GPR153: variants seen among roughly 807,000 people sequenced by gnomAD.
GPR153 encodes G protein-coupled receptor 153.
GPR153 carries 27 observed loss-of-function variants against 34.1 expected under a neutral mutation model. The observed-to-expected ratio is 0.79, with a 90% CI of 0.58 to 1.09. The LOEUF (loss-of-function observed/expected upper bound fraction) is 1.09. Among genes scored for constraint, GPR153 ranks in the 50% least tolerant of loss-of-function variants. GPR153 has a pLI of 0.00. For synonymous variants in GPR153, 408 were observed against 405.4 expected (o/e 1.01, Z -0.08); for missense variants, 848 against 860.2 (o/e 0.99, Z 0.18).
In GPR153 at chr1:6,249,301, T is replaced by A; in HGVS notation, c.*37A>T. 1 of 1,239,578 alleles carries A rather than the reference T, an allele frequency of 8.1e-7. No homozygotes were observed. The highest frequency in any genetic ancestry group is 1.0e-6 in the Non-Finnish European group (1 of 989,674). The allele number at this position is 1,239,578 out of a possible 1,614,324, so 76.8% of individuals were successfully genotyped here. ...GGTGCTGCGGCCCCGGAGAGCGGCC[T>A]GGCCTGCCTGGCGTCCGTGGGGAGG... On this transcript the variant is annotated 3_prime_UTR_variant, in exon 6 of 6. Coordinates refer to ENST00000377893, the MANE Select transcript of GPR153 (RefSeq NM_207370.4). This position sits in a 1 kb window ranked among gnomAD's most constrained non-coding sequence, Gnocchi z 4.3.
Position 6,250,437 on chromosome 1 carries a change from C to A in GPR153, c.1164+3G>T, listed in dbSNP as rs1296665476. The A allele has an allele frequency of 1.3e-6, 2 of 1,587,028 alleles. No individual in the cohort carries two copies. Among genetic ancestry groups the A allele is most frequent in the Non-Finnish European group, 1.7e-6 (2 of 1,166,850 alleles). ...GCGGCCTCTCCCCCAGCCCTGCGCT[C>A]ACCTGCAGGTATTGCATCTTGTCCT... On this transcript the variant is annotated splice_donor_region_variant and intron_variant, in intron 5 of 5. Coordinates refer to ENST00000377893, the MANE Select transcript of GPR153 (RefSeq NM_207370.4).
At chr1:6,256,483 C>A (rs1638571544) in intron 1 of GPR153, among the ~76,000 whole-genome samples, 1 of 151,770 alleles carries the variant, frequency 6.6e-6, no homozygotes, top group African/African-American at 2.4e-5. Flanking sequence ...CATTCTTGTG[C>A]CTCAGCCCCG....
rs769918248 is a variant in GPR153 at position 6,253,943 on chromosome 1, G to A, written c.561C>T (p.Gly187=). 1.7e-5 allele frequency: 28 copies of A among 1,611,780 alleles called. No individual in the cohort carries two copies. The highest frequency in any genetic ancestry group is 4.5e-5 in the East Asian group (2 of 44,852). The part of the protein sequence containing the change: ...LLLVGGSVAM[G]VICTAIALFQ... The stretch of plus-strand genomic sequence containing the variant: ...AGAGGGCGATGGCTGTGCAGATCAC[G>A]CCCATGGCCACGCTGCCGCCCACCA... Residue 187 remains glycine (G), a synonymous_variant, in exon 3 of 6, where the codon GGC becomes GGT. Transcript: ENST00000377893.
rs1056704525 is a variant in GPR153, at chr1:6,260,581, C to T, written c.-110+244G>A. Among the ~76,000 whole-genome samples the T allele has an allele frequency of 4.9e-4, 75 of 151,798 alleles. 1 individual carries two copies. The highest frequency in any genetic ancestry group is 1.8e-3 in the African/African-American group (74 of 41,430). On this transcript the variant is annotated intron_variant, in intron 1 of 5. Coordinates refer to ENST00000377893, the MANE Select transcript of GPR153 (RefSeq NM_207370.4). ...CCCAGACCGCGCCCCGCCCCCGTCC[C>T]CTGAGAAGCCCAGGGGGCGGCGCTG...
In GPR153 at chr1:6,260,328, G is replaced by GC. The variant is rs1324108435; in HGVS notation, c.-110+496dup. 2.9e-4 allele frequency among the ~76,000 whole-genome samples: 39 copies of GC among 133,882 alleles called. No individual in the cohort carries two copies. The Middle Eastern group carries it at 0.012, about 42-fold the overall frequency. The allele number at this position is 133,882 out of a possible 152,430, so 87.8% of individuals were successfully genotyped here. Reference sequence around the variant, plus strand: ...CGCGAGGCCTGGACATCTCCGGCACGCCCCCCCCAGCCCCCGCCCCTACAG... The same window carrying GC: ...CGCGAGGCCTGGACATCTCCGGCACGCCCCCCCCCAGCCCCCGCCCCTACAG... On this transcript the variant is annotated intron_variant, in intron 1 of 5. Transcript: ENST00000377893.
rs61741782 is a variant in GPR153 at position 6,254,688 on chromosome 1, C to T, written c.218G>A (p.Arg73His). 5,014 of 1,613,790 alleles carry T rather than the reference C, an allele frequency of 3.1e-3. 89 individuals are homozygous for T. In the African/African-American group the frequency reaches 0.048, roughly 15 times the overall value. ...ACCCTCATTCCACTCGAAGTCGGGG[C>T]GCTGCCGCCGCAGCTGCACCACGGA... ...TYSVVQLRRQ[R>H]PDFEWNEGLC... The change falls in exon 2 of 6, where the codon CGC (arginine) becomes CAC (histidine). Residue 73 changes from arginine (R) to histidine (H), a missense_variant. By Grantham distance (29) the Arg-to-His change is conservative. Transcript: ENST00000377893.
rs758143329 is a variant in GPR153 at position 6,251,300 on chromosome 1, C to T, written c.979+38G>A. The T allele has an allele frequency of 3.6e-5, 55 of 1,521,378 alleles. No individual in the cohort carries two copies. The highest frequency in any genetic ancestry group is 1.1e-4 in the East Asian group (5 of 43,840). The allele number at this position is 1,521,378 out of a possible 1,614,324, so 94.2% of individuals were successfully genotyped here. A position where few individuals can be genotyped will look rare whatever the true frequency, so the allele number is the denominator to read the frequency against. On this transcript the variant is annotated intron_variant, in intron 4 of 5. Transcript: ENST00000377893. The surrounding 1 kb of genome is among the most constrained non-coding windows in gnomAD (Gnocchi z 4.9). The stretch of plus-strand genomic sequence containing the variant: ...GCCAACCCCAATGACCTAACCTAGA[C>T]GCCACTCTCCCTGGGGCCACTCTCA...
intron 1 of GPR153, among the ~76,000 whole-genome samples, chr1:6,260,071 C>T (rs1638637189): frequency 1.3e-5 from 2 of 152,194 alleles, no homozygotes; most frequent in African/African-American, 4.8e-5. Context: ...GCCATGAGGC[C>T]TCCCTCCGCA....
chr1:6,258,173 C>T (rs1638602715), intron 1 of GPR153, among the ~76,000 whole-genome samples: 1 of 152,154 alleles, frequency 6.6e-6, no homozygotes, highest in Admixed American at 6.5e-5. Flanking sequence ...TGGAGTTTTA[C>T]TCTTATTACC....
intron 2 of GPR153, 123 bp from the exon 3 acceptor site, chr1:6,254,270 A>G: frequency 1.1e-6 from 1 of 907,058 alleles, no homozygotes; most frequent in Non-Finnish European, 1.7e-6. Context: ...TATCATAGTC[A>G]TGGCACAGCC....
intron 2 of GPR153, among the ~76,000 whole-genome samples, 182 bp from the exon 3 acceptor site, chr1:6,254,329 C>T (rs976459767): frequency 1.3e-5 from 2 of 152,184 alleles, no homozygotes; most frequent in Non-Finnish European, 2.9e-5. Flanking sequence ...TGAACATTGT[C>T]ACACGTCCCT....
rs778611348 is a variant in GPR153, at chr1:6,253,816, T to C, written c.688A>G (p.Ile230Val). 61 of 1,588,346 alleles carry C rather than the reference T, an allele frequency of 3.8e-5. No individual in the cohort carries two copies. The highest frequency in any genetic ancestry group is 9.0e-5 in the East Asian group (4 of 44,470). Residue 230 changes from isoleucine (I) to valine (V), a missense_variant, in exon 3 of 6, where the codon ATC (isoleucine) becomes GTC (valine). Physicochemically the swap from Ile to Val is conservative, Grantham distance 29. Transcript: ENST00000377893. ...GTTTTGGCGGGCTCCGAGCCATCGATGGAGGAGCGCCGCTTGCCCTGCGCG... is the reference window on the plus strand; with the variant it reads ...GTTTTGGCGGGCTCCGAGCCATCGACGGAGGAGCGCCGCTTGCCCTGCGCG... ...EDAQGKRRSSIDGSEPAKTSL... is the reference protein window; with the variant it reads ...EDAQGKRRSSVDGSEPAKTSL...
chr1:6,258,197 G>A (rs1389030317), intron 1 of GPR153, among the ~76,000 whole-genome samples: 1 of 152,012 alleles, frequency 6.6e-6, no homozygotes. Flanking sequence ...GGTGGATCTC[G>A]GCTCACTGCA....
Position 6,249,417 on chromosome 1 carries a change from G to T in GPR153, c.1751C>A (p.Thr584Asn). 1 of 1,375,560 alleles carries T rather than the reference G, an allele frequency of 7.3e-7. No individual in the cohort carries two copies. 85.2% of individuals were successfully genotyped at this position (1,375,560 alleles called of 1,614,324 possible). A position where few individuals can be genotyped will look rare whatever the true frequency, so the allele number is the denominator to read the frequency against. ...GGAGGGGGAACTCAGGAAGCTGCTG[G>T]TGCTGCCGCCGCCGCCCGCCGCGCG... ...GLRAAGGGGS[T>N]SSFLSSPSES... is the part of the protein sequence containing the mutation. Residue 584 changes from threonine (T) to asparagine (N), a missense_variant, in exon 6 of 6, where the codon ACC becomes AAC. Thr to Asn is a moderately conservative substitution (Grantham distance 65). Coordinates refer to ENST00000377893, the MANE Select transcript of GPR153 (RefSeq NM_207370.4). This position sits in a 1 kb window ranked among gnomAD's most constrained non-coding sequence, Gnocchi z 4.3.
In GPR153 at chr1:6,250,593, G is replaced by T. The variant is rs1571237594; in HGVS notation, c.1011C>A (p.Asp337Glu). The change falls in exon 5 of 6, where the codon GAC (aspartate) becomes GAA (glutamate). Residue 337 changes from aspartate (D) to glutamate (E), a missense_variant. Asp to Glu is a conservative substitution (Grantham distance 45). Coordinates refer to ENST00000377893, the MANE Select transcript of GPR153 (RefSeq NM_207370.4). ...AGTCCAGGGAGCGCTCCAACACCAG[G>T]TCCGGGGAGATGCCACCTTCCAGGC... is the stretch of plus-strand genomic sequence containing the variant. ...ETSLEGGISP[D>E]LVLERSLDYG... 1 of 1,455,392 alleles carries T rather than the reference G, an allele frequency of 6.9e-7. No homozygotes were observed. 90.2% of individuals were successfully genotyped at this position (1,455,392 alleles called of 1,614,324 possible).
chr1:6,254,113 C>T lies in GPR153; in HGVS notation c.391G>A (p.Val131Ile), dbSNP rs775180137. The T allele has an allele frequency of 4.1e-5, 66 of 1,612,710 alleles. No homozygotes were observed. Among genetic ancestry groups the T allele is most frequent in the Middle Eastern group, 3.3e-4 (2 of 6,078 alleles). The change falls in exon 3 of 6, where the codon GTC becomes ATC. Residue 131 changes from valine to isoleucine, a missense_variant. Physicochemically the swap from Val to Ile is conservative, Grantham distance 29 (BLOSUM62 3). Transcript: ENST00000377893. ...SNAKKQAVHT[V>I]MGIWMVSFIL... is the part of the protein sequence containing the mutation. ...AAGGACACCATCCAGATACCCATGA[C>T]TGTGTGCACCGCCTGCTTCTTGGCA...
At chr1:6,256,622 A>T (rs759235163) in intron 1 of GPR153, among the ~76,000 whole-genome samples, 57 of 151,862 alleles carry the variant, frequency 3.8e-4, no homozygotes, top group African/African-American at 1.4e-3. Flanking sequence ...TGCCCACTTC[A>T]GCCTCCCAAA....
Position 6,249,821 on chromosome 1 carries a change from C to T in GPR153, c.1347G>A (p.Pro449=), listed in dbSNP as rs1473382337. Residue 449 remains proline (P), a synonymous_variant, in exon 6 of 6, where the codon CCG becomes CCA. Transcript: ENST00000377893. The surrounding 1 kb of genome is among the most constrained non-coding windows in gnomAD (Gnocchi z 4.3). ...SLLAFAEDAP[P]SRARRRSAES... is the part of the protein sequence containing the mutation. ...CGGCCGAGCGGCGGCGCGCGCGGGA[C>T]GGTGGTGCGTCCTCCGCGAAGGCCA... 4 of 1,216,696 alleles carry T rather than the reference C, an allele frequency of 3.3e-6. No homozygotes were observed. The highest frequency in any genetic ancestry group is 4.1e-6 in the Non-Finnish European group (4 of 978,278). 75.4% of individuals were successfully genotyped at this position (1,216,696 alleles called of 1,614,324 possible).
intron 2 of GPR153, 110 bp from the exon 3 acceptor site, chr1:6,254,257 G>A (rs1217780809): frequency 1.0e-6 from 1 of 990,732 alleles, no homozygotes; most frequent in Non-Finnish European, 1.5e-6. Flanking sequence ...CACACCCCCA[G>A]TATATCATAG....
Sources: gnomAD v4.1 joint callset for allele counts (sites outside exome capture counted in the v4.1 genomes callset) on GRCh38, gnomAD v4.1.1 for gene constraint, Gnocchi (gnomAD v3.1) non-coding constraint, MANE v1.5 for transcripts, NCBI Gene and HGNC (gene_info 2026-07-23, HGNC 2026-07-21) for gene names.